Variants in ASTN2 observed in about 807,000 individuals in gnomAD.
ASTN2 encodes astrotactin 2, also known as astrotactin-2.
In ASTN2, 54 loss-of-function variants were observed where a neutral mutation model predicts 139.8. That is an observed-to-expected ratio of 0.39 (90% confidence interval 0.31 to 0.48). The LOEUF (loss-of-function observed/expected upper bound fraction) is 0.48. ASTN2 is among the 20% of genes least tolerant of loss of function. ASTN2 has a pLI of 0.95. For synonymous variants in ASTN2, 756 were observed against 719.5 expected, an observed-to-expected ratio of 1.05 and a Z score of -0.81; for missense variants, 1,565 against 1,725.1, an observed-to-expected ratio of 0.91 and a Z score of 1.64.
chr9:117,125,980 C>T (rs568486885), intron 4 of ASTN2, among the ~76,000 whole-genome samples: 1 of 151,996 alleles, frequency 6.6e-6, no homozygotes, highest in Non-Finnish European at 1.5e-5. Context: ...ACAATTAGAC[C>T]TTGTACATCA....
At chr9:116,839,989 A>T (rs1445729982) in intron 11 of ASTN2, among the ~76,000 whole-genome samples, 2 of 147,404 alleles carry the variant, frequency 1.4e-5, no homozygotes, top group Non-Finnish European at 3.0e-5. Flanking sequence ...AAGTGAACAA[A>T]GGTCTCTGGT....
intron 22 of ASTN2, among the ~76,000 whole-genome samples, chr9:116,430,515 C>T (rs1479610700): frequency 1.3e-5 from 2 of 152,166 alleles, no homozygotes; most frequent in Non-Finnish European, 1.5e-5. Flanking sequence ...ATTTGCTTAG[C>T]TCTAAGTAAG....
chr9:117,057,957 CTT>C (rs946715208), intron 5 of ASTN2, among the ~76,000 whole-genome samples: 15 of 152,174 alleles, frequency 9.9e-5, no homozygotes, highest in African/African-American at 3.6e-4. Flanking sequence ...TCCCACCTCT[CTT>C]TCTTCATAAA....
At chr9:116,986,420 C>T (rs946695968) in intron 7 of ASTN2, among the ~76,000 whole-genome samples, 6 of 152,076 alleles carry the variant, frequency 3.9e-5, no homozygotes, top group South Asian at 2.1e-4. Flanking sequence ...CTGGCATTAG[C>T]GTAGGAAGAC....
intron 4 of ASTN2, 86 bp from the exon 5 acceptor site, chr9:117,096,237 C>T (rs1828838820): frequency 9.4e-7 from 1 of 1,066,312 alleles, no homozygotes; most frequent in Non-Finnish European, 1.4e-6. Flanking sequence ...ATCAGCAATC[C>T]CATCCCCAGA....
At chr9:117,101,898 T>C (rs1828987333) in intron 4 of ASTN2, among the ~76,000 whole-genome samples, 1 of 152,214 alleles carries the variant, frequency 6.6e-6, no homozygotes, top group South Asian at 2.1e-4. Flanking sequence ...GGTGAGGTTG[T>C]GGAGACGTTG....
At chr9:116,963,364 T>C (rs1409852072) in intron 10 of ASTN2, among the ~76,000 whole-genome samples, 1 of 152,132 alleles carries the variant, frequency 6.6e-6, no homozygotes, top group African/African-American at 2.4e-5. Flanking sequence ...GAAATAGCAA[T>C]TGAGGACATG....
chr9:116,942,444 C>T (rs950880062), intron 10 of ASTN2, among the ~76,000 whole-genome samples: 3 of 152,128 alleles, frequency 2.0e-5, no homozygotes, highest in African/African-American at 4.8e-5. Flanking sequence ...GTCATTGGCC[C>T]GGGGAGTCCT....
intron 2 of ASTN2, among the ~76,000 whole-genome samples, chr9:117,216,032 C>T (rs1458537241): frequency 6.6e-6 from 1 of 152,142 alleles, no homozygotes; most frequent in Admixed American, 6.5e-5. Context: ...TTCAATCCAC[C>T]TGTGTGGTTG....
chr9:117,159,921 T>C lies in ASTN2; in HGVS notation c.1016-18443A>G, dbSNP rs574260608. ...CAGATTAGTCTGGCTAGGCTCAGTT[T>C]TGCTCCAAGCTGCAGATTGAGTTCA... On this transcript the variant is annotated intron_variant, in intron 3 of 22. Coordinates refer to ENST00000313400, the MANE Select transcript of ASTN2 (RefSeq NM_001365068.1). Among the ~76,000 whole-genome samples, 11 of 152,162 alleles carry C rather than the reference T, an allele frequency of 7.2e-5. No homozygotes were observed. The East Asian group carries it at 2.1e-3, about 30-fold the overall frequency.
intron 6 of ASTN2, among the ~76,000 whole-genome samples, chr9:117,027,813 C>T (rs1838131979): frequency 6.6e-6 from 1 of 152,146 alleles, no homozygotes. Flanking sequence ...CACATGTGAT[C>T]CCTGTGAGGG....
Position 117,172,157 on chromosome 9 carries a change from G to T in ASTN2, c.1016-30679C>A, listed in dbSNP as rs975057349. On this transcript the variant is annotated intron_variant, in intron 3 of 22. Transcript: ENST00000313400. ...AAGGTACAAAAAAATGAAACATAAG[G>T]GGTGCTAGAATTATTCTATCATAAG... 3.3e-5 allele frequency among the ~76,000 whole-genome samples: 5 copies of T among 152,166 alleles called. No homozygotes were observed. The East Asian group carries it at 5.8e-4, about 18-fold the overall frequency.
intron 13 of ASTN2, among the ~76,000 whole-genome samples, chr9:116,780,843 C>CTT (rs35531108): frequency 0.17 from 25,275 of 144,684 alleles, 2,308 homozygotes; most frequent in East Asian, 0.26. Flanking sequence ...ATGTCAAATT[C>CTT]TTTTTTTTTT....
At chr9:116,558,778 A>G (rs1256335137) in intron 19 of ASTN2, among the ~76,000 whole-genome samples, 1 of 152,224 alleles carries the variant, frequency 6.6e-6, no homozygotes, top group Non-Finnish European at 1.5e-5. Flanking sequence ...AGAAAAAGCC[A>G]GGGCTTGAGT....
chr9:117,165,674 A>T (rs1401384353), intron 3 of ASTN2, among the ~76,000 whole-genome samples: 1 of 152,086 alleles, frequency 6.6e-6, no homozygotes, highest in Non-Finnish European at 1.5e-5. Context: ...CACCCAGCAC[A>T]CTATAGATAT....
intron 5 of ASTN2, among the ~76,000 whole-genome samples, chr9:117,083,720 G>A (rs1049702275): frequency 1.3e-5 from 2 of 152,132 alleles, no homozygotes; most frequent in African/African-American, 2.4e-5. Flanking sequence ...AAGCAAGAGA[G>A]ACTGATTATT....
chr9:117,347,466 A>G (rs1829255300), intron 1 of ASTN2, among the ~76,000 whole-genome samples: 1 of 151,880 alleles, frequency 6.6e-6, no homozygotes, highest in Admixed American at 6.6e-5. Context: ...CGTTCTCACA[A>G]CAAGCCTGTA....
intron 4 of ASTN2, among the ~76,000 whole-genome samples, chr9:117,119,698 G>A (rs1226583758): frequency 1.3e-5 from 2 of 152,004 alleles, no homozygotes; most frequent in South Asian, 2.1e-4. Context: ...TTTGAAATAT[G>A]AGAAAGAGAC....
intron 19 of ASTN2, chr9:116,585,403 G>A (rs1441502528): frequency 6.6e-6 from 1 of 152,198 alleles, no homozygotes; most frequent in East Asian, 1.9e-4. Context: ...CTGAGAAGGT[G>A]TTTGGACTTT....
Sources: gnomAD v4.1 joint callset for allele counts (sites outside exome capture counted in the v4.1 genomes callset) on GRCh38, gnomAD v4.1.1 for gene constraint, MANE v1.5 for transcripts, NCBI Gene and HGNC (gene_info 2026-07-23, HGNC 2026-07-21) for gene names.